The following ERC2 variants were observed in gnomAD, a reference collection of about 807,000 sequenced individuals.
The protein encoded by ERC2 is ERC protein 2.
In ERC2, 42 loss-of-function variants were observed where a neutral mutation model predicts 114.8. That is an observed-to-expected ratio of 0.37 (90% CI 0.29 to 0.47). The LOEUF is 0.47. Ranked by LOEUF, ERC2 falls within the 20% of genes least tolerant of loss-of-function variation. The pLI is 0.99. For synonymous variants in ERC2, 454 were observed against 425.5 expected, an observed-to-expected ratio of 1.07 and a Z score of -0.82; for missense variants, 939 against 1,150.7, an observed-to-expected ratio of 0.82 and a Z score of 2.66.
At chr3:56,058,288 T>C (rs2149700657) in intron 7 of ERC2, among the ~76,000 whole-genome samples, 1 of 152,338 alleles carries the variant, frequency 6.6e-6, no homozygotes, top group East Asian at 1.9e-4. Context: ...CCCTTGGACT[T>C]AATCCAACGG....
intron 3 of ERC2, among the ~76,000 whole-genome samples, chr3:56,209,336 G>T (rs1178721649): frequency 6.6e-6 from 1 of 152,028 alleles, no homozygotes; most frequent in African/African-American, 2.4e-5. Context: ...TGACCTCCCA[G>T]ACTAGACTGC....
intron 2 of ERC2, among the ~76,000 whole-genome samples, chr3:56,423,188 T>C (rs1251332702): frequency 6.6e-6 from 1 of 152,260 alleles, no homozygotes; most frequent in Non-Finnish European, 1.5e-5. Context: ...ATGTTTTAGT[T>C]TTTATATCAT....
rs149228887 is a variant in ERC2, at chr3:56,420,816, G to A, written c.657+13535C>T. ...GGCTGATGCAGGAGGAGAATGGCAT[G>A]AACCCAGGAGGCAGAGTTTGCAGTG... On this transcript the variant is annotated intron_variant, in intron 2 of 17. Coordinates refer to ENST00000288221, the MANE Select transcript of ERC2 (RefSeq NM_015576.3). Among the ~76,000 whole-genome samples the A allele has an allele frequency of 5.9e-5, 9 of 151,548 alleles. No individual in the cohort carries two copies. In the East Asian group the frequency reaches 1.6e-3, roughly 26 times the overall value.
chr3:55,943,192 G>A (rs1451241031), intron 13 of ERC2, among the ~76,000 whole-genome samples: 1 of 152,220 alleles, frequency 6.6e-6, no homozygotes, highest in Non-Finnish European at 1.5e-5. Context: ...AGTCCTGTGT[G>A]TGAGTTATTA....
At chr3:55,899,091 T>C (rs1313861091) in intron 13 of ERC2, among the ~76,000 whole-genome samples, 1 of 152,250 alleles carries the variant, frequency 6.6e-6, no homozygotes, top group Non-Finnish European at 1.5e-5. Context: ...GTCTATTGGC[T>C]ACTGCATTAG....
intron 14 of ERC2, among the ~76,000 whole-genome samples, chr3:55,829,791 C>T (rs1441452944): frequency 4.6e-5 from 7 of 152,174 alleles, no homozygotes. Context: ...TCCCAAAGTA[C>T]TGAGATTACA....
intron 7 of ERC2, among the ~76,000 whole-genome samples, chr3:56,076,364 A>C (rs2076978362): frequency 1.3e-5 from 2 of 152,186 alleles, no homozygotes; most frequent in South Asian, 4.1e-4. Flanking sequence ...TCGGGTTCAA[A>C]TAATGCTACC....
intron 13 of ERC2, among the ~76,000 whole-genome samples, chr3:55,939,044 G>T (rs1425433646): frequency 2.0e-5 from 3 of 152,140 alleles, no homozygotes; most frequent in South Asian, 2.1e-4. Flanking sequence ...AATAATAGAT[G>T]AAAATATTAC....
intron 2 of ERC2, among the ~76,000 whole-genome samples, chr3:56,394,710 TA>T (rs568160423): frequency 2.0e-5 from 3 of 152,112 alleles, no homozygotes; most frequent in Non-Finnish European, 4.4e-5. Context: ...AAAAGTCAGA[TA>T]ATAGCAGGTG....
At chr3:55,535,397 A>AT (rs1434241429) in intron 17 of ERC2, among the ~76,000 whole-genome samples, 2 of 152,186 alleles carry the variant, frequency 1.3e-5, no homozygotes, top group African/African-American at 4.8e-5. Flanking sequence ...CAGGAATATT[A>AT]TTTTTAGAGA....
chr3:56,245,451 C>T (rs2051617409), intron 3 of ERC2, among the ~76,000 whole-genome samples: 2 of 151,844 alleles, frequency 1.3e-5, no homozygotes. Flanking sequence ...TTCCAAATGA[C>T]CCAAACTTAA....
intron 13 of ERC2, among the ~76,000 whole-genome samples, chr3:55,924,848 A>G (rs532949089): frequency 3.3e-5 from 5 of 152,254 alleles, no homozygotes; most frequent in Admixed American, 6.5e-5. Context: ...AATCCATTCA[A>G]AATGAACCCT....
intron 13 of ERC2, among the ~76,000 whole-genome samples, chr3:55,949,034 C>T (rs2067309070): frequency 6.6e-6 from 1 of 152,126 alleles, no homozygotes; most frequent in Non-Finnish European, 1.5e-5. Context: ...GAATAATACA[C>T]CATAGCAAGG....
chr3:55,782,019 C>G (rs1003125103), intron 14 of ERC2, among the ~76,000 whole-genome samples: 1 of 152,128 alleles, frequency 6.6e-6, no homozygotes, highest in Non-Finnish European at 1.5e-5. Flanking sequence ...AGAAGGGGAT[C>G]TGAGGGGACA....
At chr3:56,379,905 T>C (rs1361048401) in intron 2 of ERC2, among the ~76,000 whole-genome samples, 3 of 152,210 alleles carry the variant, frequency 2.0e-5, no homozygotes, top group East Asian at 1.9e-4. Context: ...CTAACATATT[T>C]GGAGCCTTTG....
At chr3:55,560,073 C>T (rs932907631) in intron 17 of ERC2, among the ~76,000 whole-genome samples, 8 of 152,172 alleles carry the variant, frequency 5.3e-5, no homozygotes, top group Middle Eastern at 3.2e-3. Flanking sequence ...CCAGGCCCTT[C>T]CTAGCTCCAG....
At chr3:55,794,010 A>C (rs1470870113) in intron 14 of ERC2, among the ~76,000 whole-genome samples, 1 of 152,214 alleles carries the variant, frequency 6.6e-6, no homozygotes, top group African/African-American at 2.4e-5. Flanking sequence ...ATTAAAAGCA[A>C]AACCATGTAC....
intron 17 of ERC2, among the ~76,000 whole-genome samples, chr3:55,595,845 GC>G (rs2058100611): frequency 6.6e-6 from 1 of 152,148 alleles, no homozygotes; most frequent in African/African-American, 2.4e-5. Context: ...TTACCAGGCA[GC>G]CTCAGGCAAT....
intron 14 of ERC2, among the ~76,000 whole-genome samples, chr3:55,815,212 G>GACA (rs77582729): frequency 0.31 from 47,788 of 151,886 alleles, 8,862 homozygotes; most frequent in African/African-American, 0.51. Context: ...AATGCACTGA[G>GACA]ACATCTACTC....
Sources: allele counts gnomAD v4.1 joint callset (sites outside exome capture counted in the v4.1 genomes callset), GRCh38; gene constraint gnomAD v4.1.1; transcripts MANE v1.5; gene names NCBI Gene and HGNC (gene_info 2026-07-23, HGNC 2026-07-21).